TTN: variants seen among roughly 807,000 people sequenced by gnomAD.
TTN encodes connectin.
TTN carries 1,525 observed loss-of-function variants against 3,223.0 expected under a neutral mutation model. That is an observed-to-expected ratio of 0.47 (90% CI 0.45 to 0.49). The LOEUF (loss-of-function observed/expected upper bound fraction) is 0.49, where lower values mean the gene tolerates loss of function less well. Ranked by LOEUF, TTN falls within the 20% of genes least tolerant of loss-of-function variation. The probability of loss-of-function intolerance (pLI) is 0.00; values close to 1 mark genes in which losing one functional copy is unlikely to be tolerated. For missense variants in TTN, 40,786 were observed against 43,424.0 expected (o/e 0.94, Z 5.40); for synonymous variants, 14,094 against 15,161.0 (o/e 0.93, Z 5.17).
chr2:178,702,351 G>A, intron 107 of TTN, 103 bp downstream of exon 107: 1 of 1,599,880 alleles, frequency 6.3e-7, no homozygotes, highest in Non-Finnish European at 8.6e-7. Flanking sequence ...TTCTAAAAAA[G>A]CATTCTAGAT....
rs368897883 is a variant in TTN, at chr2:178,733,130, T to G, written c.16055-9A>C. Reference sequence around the variant, plus strand: ...TGGAGCAATGTCTCGATCTGTGTGTTGCACAAGAAGGGAGAAAAGGTCAAT... The same window carrying G: ...TGGAGCAATGTCTCGATCTGTGTGTGGCACAAGAAGGGAGAAAAGGTCAAT... On this transcript the variant is annotated splice_polypyrimidine_tract_variant and intron_variant, in intron 54 of 362. Transcript: ENST00000589042. 273 of 1,576,980 alleles carry G rather than the reference T, an allele frequency of 1.7e-4. 1 individual carries two copies. In the African/African-American group the frequency reaches 3.3e-3, roughly 19 times the overall value.
chr2:178,589,439 CACA>C lies in TTN; in HGVS notation c.62283_62285del (p.Val20762del), dbSNP rs1202662528. On this transcript the variant is annotated inframe_deletion, in exon 304 of 363. Transcript: ENST00000589042. ...GTACTGGTTTTTGTAAGTCTTCTTT[CACA>C]ACAACTTCCTCTGTCTTCACCCAGT... 6.2e-7 allele frequency: 1 copy of C among 1,613,276 alleles called. No individual in the cohort carries two copies. Among genetic ancestry groups the C allele is most frequent in the Non-Finnish European group, 8.5e-7 (1 of 1,179,632 alleles).
chr2:178,558,312 AT>A, intron 327 of TTN, 28 bp downstream of exon 327: 1 of 1,593,962 alleles, frequency 6.3e-7, no homozygotes, highest in South Asian at 1.2e-5. Flanking sequence ...ATAATTTCAA[AT>A]TTTGCTTCTA....
chr2:178,671,317 T>C, intron 155 of TTN, 147 bp from the exon 156 acceptor site: 1 of 560,702 alleles, frequency 1.8e-6, no homozygotes, highest in Non-Finnish European at 3.0e-6. Flanking sequence ...AGAGATTTGA[T>C]TTGCTAAATA....
chr2:178,596,382 C>T (rs911077898), intron 294 of TTN, among the ~76,000 whole-genome samples: 1 of 151,930 alleles, frequency 6.6e-6, no homozygotes, highest in African/African-American at 2.4e-5. Context: ...TTTTTAAAAG[C>T]AATTTGTGAG....
chr2:178,648,976 A>C (rs2062467752), intron 213 of TTN, among the ~76,000 whole-genome samples: 1 of 152,178 alleles, frequency 6.6e-6, no homozygotes, highest in African/African-American at 2.4e-5. Flanking sequence ...AACATTCAAC[A>C]AAATATGTTG....
chr2:178,667,788 AATATAAT>A (rs2066236393), intron 159 of TTN, 67 bp from the exon 160 acceptor site: 2 of 1,136,984 alleles, frequency 1.8e-6, no homozygotes, highest in Admixed American at 2.2e-5. Flanking sequence ...TATTAAGAAA[AATATAAT>A]ATATAATACC....
chr2:178,649,210 G>T, intron 213 of TTN, 38 bp downstream of exon 213: 1 of 1,384,694 alleles, frequency 7.2e-7, no homozygotes, highest in Non-Finnish European at 9.7e-7. Flanking sequence ...TGCTTAAATA[G>T]CAGTTAGAGA....
intron 154 of TTN, 37 bp from the exon 155 acceptor site, chr2:178,672,304 A>C: frequency 1.9e-6 from 3 of 1,604,798 alleles, no homozygotes; most frequent in Non-Finnish European, 2.6e-6. Context: ...ATTTTTTTAA[A>C]CACTGAAGAA....
Position 178,613,888 on chromosome 2 carries a change from G to C in TTN, c.49395C>G (p.Asp16465Glu). Reference protein sequence around the residue: ...TRLEPSDITKDAVTLTWCEPD... With the variant: ...TRLEPSDITKEAVTLTWCEPD... ...GCTCACACCATGTGAGAGTCACTGC[G>C]TCTTTAGTGATATCAGAAGGTTCTA... is the stretch of plus-strand genomic sequence containing the variant. Residue 16465 changes from aspartate (D) to glutamate (E), a missense_variant, in exon 263 of 363, where the codon GAC becomes GAG. Physicochemically the swap from Asp to Glu is conservative, Grantham distance 45 (BLOSUM62 2). Coordinates refer to ENST00000589042, the MANE Select transcript of TTN (RefSeq NM_001267550.2). 1 of 1,610,770 alleles carries C rather than the reference G, an allele frequency of 6.2e-7. No homozygotes were observed.
intron 159 of TTN, 128 bp from the exon 160 acceptor site, chr2:178,667,849 G>C (rs1343068195): frequency 1.4e-5 from 9 of 633,306 alleles, no homozygotes; most frequent in African/African-American, 9.3e-5. Context: ...AGGCAAATTA[G>C]TGGCTAGAAT....
Position 178,792,167 on chromosome 2 carries a change from G to C in TTN, c.1567C>G (p.Pro523Ala), listed in dbSNP as rs1195531790. ...TTAGCTGCGGAAATTACTACCTTTGGTACAAATGTTTTTTCAGTTTCTTTT... is the reference window on the plus strand; with the variant it reads ...TTAGCTGCGGAAATTACTACCTTTGCTACAAATGTTTTTTCAGTTTCTTTT... ...IRKETEKTFV[P>A]KVVISAAKAK... The change falls in exon 10 of 363, where the codon CCA (proline) becomes GCA (alanine). Residue 523 changes from proline (P) to alanine (A), a missense_variant. Pro to Ala is a conservative substitution (Grantham distance 27). Transcript: ENST00000589042. 6.2e-7 allele frequency: 1 copy of C among 1,608,302 alleles called. No homozygotes were observed. Among genetic ancestry groups the C allele is most frequent in the Non-Finnish European group, 8.5e-7 (1 of 1,178,658 alleles).
Position 178,593,725 on chromosome 2 carries a change from G to A in TTN, c.58575C>T (p.Asp19525=), listed in dbSNP as rs749735267. 5.6e-6 allele frequency: 9 copies of A among 1,613,306 alleles called. No individual in the cohort carries two copies. Among genetic ancestry groups the A allele is most frequent in the East Asian group, 2.2e-5 (1 of 44,718 alleles). Residue 19525 remains aspartate (D), a synonymous_variant, in exon 298 of 363, where the codon GAC becomes GAT. Transcript: ENST00000589042. ...YIIEKKEVGK[D]VWMPVTSASA... Reference sequence around the variant, plus strand: ...TTGCAGATGTCACTGGCATCCAGACGTCTTTACCCACTTCCTTCTTCTCAA... The same window carrying A: ...TTGCAGATGTCACTGGCATCCAGACATCTTTACCCACTTCCTTCTTCTCAA...
At position 178,560,242 on chromosome 2, in the gene TTN, A is replaced by G; in HGVS notation, c.85890T>C (p.Ala28630=). The G allele has an allele frequency of 6.2e-7, 1 of 1,613,828 alleles. No homozygotes were observed. ...TTTCACTTGGAAGACTTAGGCCAGC[A>G]GCATTTTCTGCATAAACACGATATT... ...EYEYRVYAEN[A]AGLSLPSETS... The change falls in exon 326 of 363, where the codon GCT becomes GCC. Residue 28630 remains alanine, a synonymous_variant. Transcript: ENST00000589042.
Position 178,607,538 on chromosome 2 carries a change from C to T in TTN, c.53150G>A (p.Arg17717His), listed in dbSNP as rs757018821. The stretch of plus-strand genomic sequence containing the variant: ...GGTTCCAACGTTGTCTATTACAACA[C>T]GGTCTTTATCCAGCTCCCCTTCTTC... Reference protein sequence around the residue: ...TKEEGELDKDRVVIDNVGTKS... With the variant: ...TKEEGELDKDHVVIDNVGTKS... The change falls in exon 277 of 363, where the codon CGT (arginine) becomes CAT (histidine). Residue 17717 changes from arginine to histidine, a missense_variant. Coordinates refer to ENST00000589042, the MANE Select transcript of TTN (RefSeq NM_001267550.2). The T allele has an allele frequency of 2.5e-5, 41 of 1,613,060 alleles. 1 individual carries two copies. The highest frequency in any genetic ancestry group is 2.0e-4 in the African/African-American group (15 of 74,822).
At chr2:178,680,948 T>G (rs1373824418) in intron 138 of TTN, 131 bp downstream of exon 138, 139 of 834,212 alleles carry the variant, frequency 1.7e-4, no homozygotes, top group Non-Finnish European at 1.4e-5. Flanking sequence ...TATTTACACA[T>G]TTTTACATCC....
chr2:178,682,661 T>C, intron 135 of TTN, 36 bp downstream of exon 135: 1 of 1,556,902 alleles, frequency 6.4e-7, no homozygotes, highest in African/African-American at 1.4e-5. Flanking sequence ...TGTGCACATA[T>C]TTAGTGTGGT....
intron 62 of TTN, 48 bp downstream of exon 62, chr2:178,730,045 C>CCAGA: frequency 6.5e-7 from 1 of 1,538,846 alleles, no homozygotes; most frequent in Non-Finnish European, 8.9e-7. Flanking sequence ...CCACCCCAGG[C>CCAGA]AAGAAAATCT....
Position 178,710,693 on chromosome 2 carries a change from G to A in TTN, c.28404C>T (p.Thr9468=), listed in dbSNP as rs1459114444. The change falls in exon 98 of 363, where the codon ACC becomes ACT. Residue 9468 remains threonine (T), a synonymous_variant. Coordinates refer to ENST00000589042, the MANE Select transcript of TTN (RefSeq NM_001267550.2). ...KVDKGDSGQY[T]CYAVNEVGKD... Reference sequence around the variant, plus strand: ...TTCCCACTTCATTCACAGCATAGCAGGTATATTGTCCAGAATCTCCTTTGT... The same window carrying A: ...TTCCCACTTCATTCACAGCATAGCAAGTATATTGTCCAGAATCTCCTTTGT... 5 of 1,613,498 alleles carry A rather than the reference G, an allele frequency of 3.1e-6. No individual in the cohort carries two copies. Among genetic ancestry groups the A allele is most frequent in the Non-Finnish European group, 3.4e-6 (4 of 1,179,816 alleles).
Sources: allele counts gnomAD v4.1 joint callset (sites outside exome capture counted in the v4.1 genomes callset), GRCh38; gene constraint gnomAD v4.1.1; transcripts MANE v1.5; gene names NCBI Gene and HGNC (gene_info 2026-07-23, HGNC 2026-07-21).